CHRNA7: variants seen among roughly 807,000 people sequenced by gnomAD.
The protein encoded by CHRNA7 is neuronal acetylcholine receptor subunit alpha-7.
A neutral mutation model predicts 48.0 loss-of-function variants in CHRNA7; 17 were observed. The observed-to-expected ratio is 0.35, with a 90% CI of 0.24 to 0.53. The LOEUF (loss-of-function observed/expected upper bound fraction) is 0.53. Among genes scored for constraint, CHRNA7 ranks in the 20% least tolerant of loss-of-function variants. CHRNA7 has a pLI of 0.92. For synonymous variants in CHRNA7, 75 were observed against 242.3 expected (o/e 0.31, Z 6.41); for missense variants, 155 against 577.7 (o/e 0.27, Z 7.50).
At chr15:32,156,829 G>A (rs965302375) in intron 5 of CHRNA7, 4 of 83,278 alleles carry the variant, frequency 4.8e-5, no homozygotes, top group Non-Finnish European at 1.1e-4. Context: ...GCAGGGGCTC[G>A]ATCATAGCTC....
rs1398427275 is a variant in CHRNA7, at chr15:32,105,493, AGAGGAGGAAAGGAGGAGGAG to A, written c.240+4157_240+4176del. Among the ~76,000 whole-genome samples, 263 of 139,996 alleles carry A rather than the reference AGAGGAGGAAAGGAGGAGGAG, an allele frequency of 1.9e-3. 1 individual carries two copies. Among genetic ancestry groups the A allele is most frequent in the African/African-American group, 6.7e-3 (240 of 35,566 alleles). 91.8% of individuals were successfully genotyped at this position (139,996 alleles called of 152,430 possible). A position where few individuals can be genotyped will look rare whatever the true frequency, so the allele number is the denominator to read the frequency against. ...AGGAGGAGAGGAGGAAAGGAGGAGG[AGAGGAGGAAAGGAGGAGGAG>A]GAGGAGGAAAAGAGGAGGAGGAGGA... On this transcript the variant is annotated intron_variant, in intron 3 of 9. Transcript: ENST00000306901.
At chr15:32,050,663 A>G (rs77446506) in intron 2 of CHRNA7, among the ~76,000 whole-genome samples, 1 of 152,174 alleles carries the variant, frequency 6.6e-6, no homozygotes, top group Non-Finnish European at 1.5e-5. Context: ...GTCATTCTCC[A>G]TCCAGCTTTG....
chr15:32,130,972 C>T lies in CHRNA7; in HGVS notation c.350+19073C>T, dbSNP rs879209143. Among the ~76,000 whole-genome samples, 12 of 152,010 alleles carry T rather than the reference C, an allele frequency of 7.9e-5. No homozygotes were observed. The East Asian group carries it at 2.1e-3, about 27-fold the overall frequency. On this transcript the variant is annotated intron_variant, in intron 4 of 9. Transcript: ENST00000306901. ...GTGTACAGTAAGTTATTTCAGCATT[C>T]GGAAACTGTCATACCACCTCCTGCT...
At chr15:32,123,644 G>A (rs1403020794) in intron 4 of CHRNA7, among the ~76,000 whole-genome samples, 1 of 152,088 alleles carries the variant, frequency 6.6e-6, no homozygotes, top group Non-Finnish European at 1.5e-5. Flanking sequence ...GAAAGAAGAT[G>A]GAAAAGACCA....
chr15:32,120,139 C>T (rs942344405), intron 4 of CHRNA7, among the ~76,000 whole-genome samples: 4 of 152,138 alleles, frequency 2.6e-5, no homozygotes, highest in Non-Finnish European at 5.9e-5. Context: ...AATCTCAGGG[C>T]GGGAAGCTGG....
At chr15:32,110,715 C>T (rs549762801) in intron 3 of CHRNA7, among the ~76,000 whole-genome samples, 5 of 152,234 alleles carry the variant, frequency 3.3e-5, no homozygotes, top group African/African-American at 4.8e-5. Context: ...CGTAACTTTG[C>T]GTCAAATTAT....
intron 2 of CHRNA7, among the ~76,000 whole-genome samples, chr15:32,034,424 T>C (rs1901988509): frequency 6.6e-6 from 1 of 152,212 alleles, no homozygotes; most frequent in African/African-American, 2.4e-5. Context: ...CTGATAGTTT[T>C]ATAGACCCTT....
At chr15:32,077,039 G>C (rs2050145934) in intron 2 of CHRNA7, among the ~76,000 whole-genome samples, 1 of 152,048 alleles carries the variant, frequency 6.6e-6, no homozygotes, top group African/African-American at 2.4e-5. Context: ...CCACAGTTGG[G>C]AGCATACAGA....
intron 4 of CHRNA7, among the ~76,000 whole-genome samples, chr15:32,133,667 G>A (rs193201998): frequency 2.0e-5 from 3 of 152,340 alleles, no homozygotes; most frequent in Admixed American, 1.3e-4. Flanking sequence ...CTCAGTCAGG[G>A]CTCAGAGTCT....
intron 2 of CHRNA7, among the ~76,000 whole-genome samples, chr15:32,071,944 G>A (rs370339046): frequency 1.3e-5 from 2 of 152,188 alleles, no homozygotes; most frequent in Admixed American, 1.3e-4. Context: ...ACTTGAAAAT[G>A]AGGAATTAAT....
intron 2 of CHRNA7, among the ~76,000 whole-genome samples, chr15:32,072,407 G>A (rs2050072079): frequency 6.6e-6 from 1 of 152,094 alleles, no homozygotes; most frequent in Non-Finnish European, 1.5e-5. Context: ...CTGGCTGTGT[G>A]AAAGAAAAAG....
chr15:32,030,618 C>T lies in CHRNA7; in HGVS notation c.24C>T (p.Val8=), dbSNP rs760663181. Residue 8 remains valine (V), a synonymous_variant, in exon 1 of 10, where the codon GTC becomes GTT. Coordinates refer to ENST00000306901, the MANE Select transcript of CHRNA7 (RefSeq NM_000746.6). The part of the protein sequence containing the change: MRCSPGG[V]WLALAASLLH... ...ACATGCGCTGCTCGCCGGGAGGCGT[C>T]TGGCTGGCGCTGGCCGCGTCGCTCC... 19 of 1,565,282 alleles carry T rather than the reference C, an allele frequency of 1.2e-5. No individual in the cohort carries two copies. The highest frequency in any genetic ancestry group is 1.5e-5 in the Non-Finnish European group (18 of 1,161,908).
At chr15:32,049,291 G>T (rs867681893) in intron 2 of CHRNA7, among the ~76,000 whole-genome samples, 2 of 152,056 alleles carry the variant, frequency 1.3e-5, no homozygotes, top group Admixed American at 6.6e-5. Flanking sequence ...AAGTCTCTTT[G>T]TAGGTCACTC....
chr15:32,075,962 T>A (rs2050131014), intron 2 of CHRNA7, among the ~76,000 whole-genome samples: 1 of 152,190 alleles, frequency 6.6e-6, no homozygotes, highest in South Asian at 2.1e-4. Context: ...TTACTTAGAA[T>A]GTGTGTTTTT....
chr15:32,089,823 C>A (rs962066683), intron 2 of CHRNA7, among the ~76,000 whole-genome samples: 1 of 152,054 alleles, frequency 6.6e-6, no homozygotes, highest in Non-Finnish European at 1.5e-5. Context: ...TTTTAGTGTG[C>A]GAATTCATGT....
intron 4 of CHRNA7, among the ~76,000 whole-genome samples, chr15:32,125,288 A>G (rs2051046756): frequency 6.6e-6 from 1 of 152,234 alleles, no homozygotes; most frequent in South Asian, 2.1e-4. Context: ...ATAAAATACC[A>G]AAGAATCAAC....
chr15:32,039,323 A>G (rs937421241), intron 2 of CHRNA7, among the ~76,000 whole-genome samples: 1 of 151,856 alleles, frequency 6.6e-6, no homozygotes, highest in African/African-American at 2.4e-5. Flanking sequence ...TCTTTTTTCT[A>G]GTTTCCTAAA....
intron 4 of CHRNA7, among the ~76,000 whole-genome samples, chr15:32,135,688 T>A (rs1233104624): frequency 6.6e-6 from 1 of 152,020 alleles, no homozygotes; most frequent in South Asian, 2.1e-4. Context: ...TGTAATAATA[T>A]TGATGAAAAA....
chr15:32,054,985 A>G (rs1045001374), intron 2 of CHRNA7, among the ~76,000 whole-genome samples: 4 of 152,318 alleles, frequency 2.6e-5, no homozygotes, highest in Admixed American at 2.6e-4. Context: ...AAATGGTTAT[A>G]CCAATTAGCA....
Sources: allele counts gnomAD v4.1 joint callset (sites outside exome capture counted in the v4.1 genomes callset), GRCh38; gene constraint gnomAD v4.1.1; transcripts MANE v1.5; gene names NCBI Gene and HGNC (gene_info 2026-07-23, HGNC 2026-07-21).